FNDC3A: variants seen among roughly 807,000 people sequenced by gnomAD.
FNDC3A encodes fibronectin type III domain containing 3A.
Under a neutral mutation model 148.9 loss-of-function variants are expected in FNDC3A, and 32 were observed. The observed-to-expected ratio is 0.21, with a 90% CI of 0.16 to 0.29. The LOEUF (loss-of-function observed/expected upper bound fraction) is 0.29. FNDC3A is among the 10% of genes least tolerant of loss of function. The probability of loss-of-function intolerance (pLI) is 1.00; values close to 1 mark genes in which losing one functional copy is unlikely to be tolerated. For synonymous variants in FNDC3A, 472 were observed against 473.6 expected, an observed-to-expected ratio of 1.00 and a Z score of 0.04; for missense variants, 1,191 against 1,452.8, an observed-to-expected ratio of 0.82 and a Z score of 2.93.
intron 2 of FNDC3A, among the ~76,000 whole-genome samples, chr13:49,032,682 G>A (rs932920662): frequency 6.6e-6 from 1 of 152,036 alleles, no homozygotes; most frequent in African/African-American, 2.4e-5. Context: ...CTTGCAGTGA[G>A]CCGAGACCGC....
chr13:49,147,533 T>TAA (rs76160054), intron 8 of FNDC3A, among the ~76,000 whole-genome samples: 2 of 144,014 alleles, frequency 1.4e-5, no homozygotes, highest in African/African-American at 2.5e-5. Context: ...ATTTTAAGTT[T>TAA]AAAAAAAAAA....
chr13:49,156,553 T>A (rs1319463869), intron 8 of FNDC3A, among the ~76,000 whole-genome samples: 2 of 149,846 alleles, frequency 1.3e-5, no homozygotes, highest in Non-Finnish European at 3.0e-5. Context: ...GTGAATTTGA[T>A]CCTGTCATTA....
At chr13:49,053,197 G>A (rs554117764) in intron 2 of FNDC3A, among the ~76,000 whole-genome samples, 2 of 152,302 alleles carry the variant, frequency 1.3e-5, no homozygotes, top group South Asian at 4.1e-4. Flanking sequence ...GCATTTTGGG[G>A]AGCCTGCAGT....
chr13:49,144,614 C>G (rs955273044), intron 7 of FNDC3A, among the ~76,000 whole-genome samples: 1 of 152,112 alleles, frequency 6.6e-6, no homozygotes, highest in African/African-American at 2.4e-5. Flanking sequence ...TATCTAATCT[C>G]TAGATTTTTT....
chr13:49,148,521 A>G (rs903005087), intron 8 of FNDC3A, among the ~76,000 whole-genome samples: 1 of 151,920 alleles, frequency 6.6e-6, no homozygotes, highest in Non-Finnish European at 1.5e-5. Flanking sequence ...TCATTTGGCT[A>G]TAAATTTATT....
intron 1 of FNDC3A, among the ~76,000 whole-genome samples, chr13:48,987,446 G>C (rs758123147): frequency 2.6e-5 from 4 of 152,072 alleles, no homozygotes; most frequent in Non-Finnish European, 4.4e-5. Context: ...TTAGTATTAA[G>C]GTATAATTTC....
intron 1 of FNDC3A, among the ~76,000 whole-genome samples, chr13:48,996,269 T>G (rs1169364459): frequency 6.6e-6 from 1 of 152,224 alleles, no homozygotes; most frequent in Non-Finnish European, 1.5e-5. Flanking sequence ...TATTTTTACC[T>G]AACATTTTGT....
At chr13:49,025,183 T>C (rs1023061375) in intron 2 of FNDC3A, among the ~76,000 whole-genome samples, 1 of 152,032 alleles carries the variant, frequency 6.6e-6, no homozygotes, top group African/African-American at 2.4e-5. Context: ...TAGATATAAT[T>C]TATGTTCCTG....
intron 1 of FNDC3A, among the ~76,000 whole-genome samples, chr13:48,977,220 T>G (rs1428564364): frequency 1.3e-5 from 2 of 152,196 alleles, no homozygotes; most frequent in African/African-American, 4.8e-5. Context: ...ATGTGTTCAC[T>G]ATGGGTTTTT....
chr13:49,017,938 C>A (rs753516050), intron 2 of FNDC3A, among the ~76,000 whole-genome samples: 1 of 152,290 alleles, frequency 6.6e-6, no homozygotes, highest in Admixed American at 6.5e-5. Context: ...CCCCTACTCT[C>A]TTCTGGCTTG....
At chr13:49,004,514 G>T (rs1952185785) in intron 1 of FNDC3A, among the ~76,000 whole-genome samples, 1 of 152,004 alleles carries the variant, frequency 6.6e-6, no homozygotes, top group African/African-American at 2.4e-5. Flanking sequence ...AATATAGCAT[G>T]TGGCTCTATA....
At chr13:49,091,697 C>G (rs1053069019) in intron 3 of FNDC3A, among the ~76,000 whole-genome samples, 1 of 152,166 alleles carries the variant, frequency 6.6e-6, no homozygotes, top group East Asian at 1.9e-4. Context: ...GTCAACTGAT[C>G]ATAGGGAACT....
intron 8 of FNDC3A, among the ~76,000 whole-genome samples, chr13:49,151,734 A>G (rs934226970): frequency 1.3e-5 from 2 of 151,682 alleles, no homozygotes; most frequent in South Asian, 2.1e-4. Flanking sequence ...CATCCCCCCA[A>G]CCTGCCATGA....
intron 2 of FNDC3A, among the ~76,000 whole-genome samples, chr13:49,037,205 T>A (rs944465887): frequency 6.6e-6 from 1 of 152,222 alleles, no homozygotes; most frequent in African/African-American, 2.4e-5. Flanking sequence ...GCACTTACAG[T>A]AACAGCGAAT....
intron 2 of FNDC3A, among the ~76,000 whole-genome samples, chr13:49,072,770 C>T (rs1167941217): frequency 6.6e-6 from 1 of 152,166 alleles, no homozygotes; most frequent in Non-Finnish European, 1.5e-5. Flanking sequence ...AGGCATGAGC[C>T]ACCATGCCCA....
intron 8 of FNDC3A, 142 bp downstream of exon 8, chr13:49,146,077 G>A: frequency 1.7e-6 from 1 of 602,170 alleles, no homozygotes; most frequent in South Asian, 2.3e-5. Flanking sequence ...TGATTTCAAT[G>A]TAAATGGTCC....
chr13:49,063,627 A>G (rs576518824), intron 2 of FNDC3A, among the ~76,000 whole-genome samples: 54 of 152,298 alleles, frequency 3.5e-4, no homozygotes, highest in Middle Eastern at 3.4e-3. Flanking sequence ...TTGTATCACA[A>G]ATTCCAGGAA....
chr13:49,044,541 G>A (rs1211164036), intron 2 of FNDC3A: 3 of 169,014 alleles, frequency 1.8e-5, no homozygotes, highest in African/African-American at 7.2e-5. Flanking sequence ...GTGGTGGCAC[G>A]TGCCTGTAGT....
At chr13:49,196,853 C>A in intron 19 of FNDC3A, 24 bp from the exon 20 acceptor site, 1 of 1,305,296 alleles carries the variant, frequency 7.7e-7, no homozygotes, top group Non-Finnish European at 1.1e-6. Context: ...AAAATAAAAA[C>A]ACTAGTTACA....
Sources: allele counts gnomAD v4.1 joint callset (sites outside exome capture counted in the v4.1 genomes callset), GRCh38; gene constraint gnomAD v4.1.1; transcripts MANE v1.5; gene names NCBI Gene and HGNC (gene_info 2026-07-23, HGNC 2026-07-21).